RCC1L: variants seen among roughly 807,000 people sequenced by gnomAD.
RCC1L encodes RCC1-like G exchanging factor-like protein.
In RCC1L, 46 loss-of-function variants were observed where a neutral mutation model predicts 58.6. The observed-to-expected ratio is 0.79, with a 90% CI of 0.62 to 1.00. The LOEUF (loss-of-function observed/expected upper bound fraction) is 1.00, where lower values mean the gene tolerates loss of function less well. Ranked by LOEUF, RCC1L falls within the 50% of genes least tolerant of loss-of-function variation. RCC1L has a pLI of 0.00. For synonymous variants in RCC1L, 281 were observed against 262.9 expected (o/e 1.07, Z -0.67); for missense variants, 636 against 623.6 (o/e 1.02, Z -0.21).
Position 75,027,938 on chromosome 7 carries a change from G to A in RCC1L, c.*94C>T. On this transcript the variant is annotated 3_prime_UTR_variant, in exon 11 of 11. Transcript: ENST00000614461. The stretch of plus-strand genomic sequence containing the variant: ...GGTGGGAGGGTCTCTCCAGGCCCCA[G>A]ACCCCACTTGGAGGGGCATGTGTTT... 8.1e-6 allele frequency: 11 copies of A among 1,357,212 alleles called. No homozygotes were observed. In the South Asian group the frequency reaches 1.2e-4, roughly 15 times the overall value. 84.1% of individuals were successfully genotyped at this position (1,357,212 alleles called of 1,614,324 possible).
downstream of RCC1L, among the ~76,000 whole-genome samples, chr7:75,040,959 T>C (rs1805542928): frequency 6.6e-6 from 1 of 152,108 alleles, no homozygotes; most frequent in Non-Finnish European, 1.5e-5. Flanking sequence ...GGCTCACGCC[T>C]GTAATCCCAG....
At chr7:75,034,585 C>A (rs1805393178) in intron 10 of RCC1L, among the ~76,000 whole-genome samples, 1 of 152,116 alleles carries the variant, frequency 6.6e-6, no homozygotes, top group Non-Finnish European at 1.5e-5. Flanking sequence ...GAGGTCTTCG[C>A]CTTGTAAAGG....
chr7:75,037,469 G>A (rs1380373244), downstream of RCC1L, among the ~76,000 whole-genome samples: 3 of 151,610 alleles, frequency 2.0e-5, no homozygotes, highest in Admixed American at 6.6e-5. Flanking sequence ...GATTACAGGC[G>A]TGAGCTACCA....
downstream of RCC1L, among the ~76,000 whole-genome samples, chr7:75,039,970 C>T (rs1017209820): frequency 9.2e-5 from 14 of 152,178 alleles, no homozygotes; most frequent in African/African-American, 2.4e-4. Flanking sequence ...AGAGGACAGA[C>T]GCTGAGATGC....
Position 75,058,741 on chromosome 7 carries a change from C to G in RCC1L, c.816G>C (p.Ser272=). Residue 272 remains serine, a synonymous_variant, in exon 7 of 11, where the codon TCG becomes TCC. Transcript: ENST00000610322. The stretch of plus-strand genomic sequence containing the variant: ...CCAGGTCTCCACCCAGCTTGGTGGG[C>G]GAGCTGGTGATATTGTAGTGACCCA... ...TGLGHYNITS[S]PTKLGGDLAG... is the part of the protein sequence containing the mutation. The G allele has an allele frequency of 6.2e-7, 1 of 1,613,878 alleles. No homozygotes were observed. The highest frequency in any genetic ancestry group is 8.5e-7 in the Non-Finnish European group (1 of 1,179,824).
chr7:75,057,833 A>T (rs1370621629), intron 7 of RCC1L: 8 of 613,230 alleles, frequency 1.3e-5, no homozygotes, highest in Non-Finnish European at 2.4e-5. Flanking sequence ...AGTCTAGTGG[A>T]CGAGGCAGAT....
At chr7:75,036,807 G>C (rs1805438743) in intron 10 of RCC1L, among the ~76,000 whole-genome samples, 1 of 152,122 alleles carries the variant, frequency 6.6e-6, no homozygotes, top group African/African-American at 2.4e-5. Flanking sequence ...GGCTGAGGCA[G>C]GAGAATCACT....
rs1292008671 is a variant in RCC1L at position 75,056,461 on chromosome 7, C to G, written c.1058-387G>C. On this transcript the variant is annotated intron_variant, in intron 8 of 10. Transcript: ENST00000610322. Reference sequence around the variant, plus strand: ...TCTGTGTTTCACACTGATCAGAAGGCCAAACACATCAACAATGTCTGGCCA... The same window carrying G: ...TCTGTGTTTCACACTGATCAGAAGGGCAAACACATCAACAATGTCTGGCCA... 10 of 1,418,482 alleles carry G rather than the reference C, an allele frequency of 7.0e-6. No homozygotes were observed. The African/African-American group carries it at 7.2e-5, about 10-fold the overall frequency. 87.9% of individuals were successfully genotyped at this position (1,418,482 alleles called of 1,614,324 possible).
At chr7:75,069,193 C>T (rs1384984411) in intron 2 of RCC1L, among the ~76,000 whole-genome samples, 1 of 148,306 alleles carries the variant, frequency 6.7e-6, no homozygotes, top group East Asian at 2.1e-4. Context: ...GGAACTCTTT[C>T]TTTTTTCTTT....
chr7:75,029,677 C>A (rs1173170487), intron 10 of RCC1L, among the ~76,000 whole-genome samples: 2 of 152,096 alleles, frequency 1.3e-5, no homozygotes, highest in Non-Finnish European at 2.9e-5. Flanking sequence ...CTGAGTGAAG[C>A]GCTTTGCATG....
chr7:75,070,622 C>T lies in RCC1L; in HGVS notation c.454+18G>A, dbSNP rs1554445911. 1 of 1,612,340 alleles carries T rather than the reference C, an allele frequency of 6.2e-7. No homozygotes were observed. ...CAGACCAATCCCGGCAAAGAGGAGA[C>T]AAGGTAGGGATGCTCACTTTTATCT... is the stretch of plus-strand genomic sequence containing the variant. On this transcript the variant is annotated intron_variant, in intron 2 of 10. Coordinates refer to ENST00000610322, the MANE Select transcript of RCC1L (RefSeq NM_030798.5).
chr7:75,032,843 G>A (rs1034476807), intron 10 of RCC1L, among the ~76,000 whole-genome samples: 5 of 152,028 alleles, frequency 3.3e-5, no homozygotes, highest in Admixed American at 1.3e-4. Context: ...AGGTGGAGGC[G>A]GGAGGATTAC....
intron 5 of RCC1L, among the ~76,000 whole-genome samples, chr7:75,062,281 G>T (rs1461877591): frequency 6.6e-6 from 1 of 152,132 alleles, no homozygotes; most frequent in Non-Finnish European, 1.5e-5. Context: ...AGTTTGGGCA[G>T]CCAAGGCGGG....
chr7:75,066,217 T>A (rs1314276316), intron 3 of RCC1L, among the ~76,000 whole-genome samples: 2 of 151,762 alleles, frequency 1.3e-5, no homozygotes, highest in Non-Finnish European at 2.9e-5. Context: ...TTTGGGAGGC[T>A]AAGGCGGGCG....
downstream of RCC1L, among the ~76,000 whole-genome samples, chr7:75,041,102 C>T (rs1051891527): frequency 5.3e-5 from 8 of 152,170 alleles, no homozygotes; most frequent in African/African-American, 1.9e-4. Flanking sequence ...CCTATAATCC[C>T]AGCTACTCGG....
At chr7:75,030,103 C>T (rs976702554) in intron 10 of RCC1L, among the ~76,000 whole-genome samples, 4 of 152,284 alleles carry the variant, frequency 2.6e-5, no homozygotes, top group Non-Finnish European at 5.9e-5. Flanking sequence ...GCCTGGTGGC[C>T]GAGAGAGCTT....
At chr7:75,046,393 T>C (rs981011927) in intron 10 of RCC1L, among the ~76,000 whole-genome samples, 1 of 152,190 alleles carries the variant, frequency 6.6e-6, no homozygotes, top group Non-Finnish European at 1.5e-5. Context: ...CCCGGGACAG[T>C]GCGCTTCCTC....
At position 75,061,286 on chromosome 7, in the gene RCC1L, G is replaced by C; in HGVS notation, c.708C>G (p.Ala236=). The C allele has an allele frequency of 6.2e-7, 1 of 1,613,600 alleles. No individual in the cohort carries two copies. The part of the protein sequence containing the change: ...QDFDGQVVQV[A]CGQDHSLFLT... ...GGAACAGACTATGATCCTGACCACA[G>C]GCGACCTAGCAGACAAACAGAGGTA... is the stretch of plus-strand genomic sequence containing the variant. Residue 236 remains alanine (A), a synonymous_variant, in exon 6 of 11, where the codon GCC becomes GCG. Transcript: ENST00000610322.
downstream of RCC1L, among the ~76,000 whole-genome samples, chr7:75,041,946 G>A (rs1015321442): frequency 3.3e-5 from 5 of 151,948 alleles, no homozygotes; most frequent in Non-Finnish European, 4.4e-5. Flanking sequence ...AGTTGAGCAC[G>A]GTAGCTCACA....
Sources: allele counts gnomAD v4.1 joint callset (sites outside exome capture counted in the v4.1 genomes callset), GRCh38; gene constraint gnomAD v4.1.1; transcripts MANE v1.5; gene names NCBI Gene and HGNC (gene_info 2026-07-23, HGNC 2026-07-21).